The following PRKN variants were observed in gnomAD, a reference collection of about 807,000 sequenced individuals.
PRKN encodes E3 ubiquitin-protein ligase parkin.
Under a neutral mutation model 59.5 loss-of-function variants are expected in PRKN, and 56 were observed. That is an observed-to-expected ratio of 0.94 (90% CI 0.76 to 1.18). The LOEUF is 1.18. Ranked by LOEUF, PRKN falls within the 50% of genes most tolerant of loss-of-function variation. The pLI, the probability that PRKN is intolerant of heterozygous loss-of-function variation, is 0.00. For missense variants in PRKN, 657 were observed against 596.4 expected (o/e 1.10, Z -1.06); for synonymous variants, 250 against 222.1 (o/e 1.13, Z -1.12).
chr6:162,577,300 C>T (rs1029104117), intron 1 of PRKN, among the ~76,000 whole-genome samples: 1 of 152,130 alleles, frequency 6.6e-6, no homozygotes, highest in East Asian at 1.9e-4. Flanking sequence ...AGTTTGAATT[C>T]TAAAACTGGC....
intron 3 of PRKN, among the ~76,000 whole-genome samples, chr6:162,226,059 A>G (rs2128083537): frequency 7.3e-6 from 1 of 136,362 alleles, no homozygotes; most frequent in South Asian, 2.4e-4. Context: ...AGGCATCAAT[A>G]AGTTTAATAA....
chr6:161,890,756 T>C (rs1583305378), intron 6 of PRKN, among the ~76,000 whole-genome samples: 1 of 152,194 alleles, frequency 6.6e-6, no homozygotes, highest in Non-Finnish European at 1.5e-5. Flanking sequence ...AGTCAATGAA[T>C]CTACAAGACA....
rs1293791436 is a variant in PRKN, at chr6:161,368,309, GTATATATATT to G, written c.1168-8114_1168-8105del. Reference sequence around the variant, plus strand: ...TATTTATATATATTTATATATATTTGTATATATATTTATATATATTTGTATATATATTTGT... The same window carrying G: ...TATTTATATATATTTATATATATTTGTATATATATTTGTATATATATTTGT... On this transcript the variant is annotated intron_variant, in intron 10 of 11. Coordinates refer to ENST00000366898, the MANE Select transcript of PRKN (RefSeq NM_004562.3). Among the ~76,000 whole-genome samples, 8 of 117,488 alleles carry G rather than the reference GTATATATATT, an allele frequency of 6.8e-5. 1 individual carries two copies. In the East Asian group the frequency reaches 1.6e-3, roughly 24 times the overall value. 77.1% of individuals were successfully genotyped at this position (117,488 alleles called of 152,430 possible). A position where few individuals can be genotyped will look rare whatever the true frequency, so the allele number is the denominator to read the frequency against.
intron 9 of PRKN, among the ~76,000 whole-genome samples, chr6:161,416,071 C>T (rs1396772434): frequency 2.0e-5 from 3 of 152,166 alleles, no homozygotes. Context: ...GCAGATCCGC[C>T]TTAACTGGAC....
At chr6:161,799,524 C>T (rs545086240) in intron 6 of PRKN, among the ~76,000 whole-genome samples, 7 of 152,280 alleles carry the variant, frequency 4.6e-5, no homozygotes, top group African/African-American at 1.4e-4. Flanking sequence ...CTTGCGACTT[C>T]CACATAATGG....
At chr6:162,412,379 A>G (rs1209829291) in intron 2 of PRKN, among the ~76,000 whole-genome samples, 1 of 152,040 alleles carries the variant, frequency 6.6e-6, no homozygotes, top group Non-Finnish European at 1.5e-5. Context: ...TGTCACCCAC[A>G]GGAAGTGGGG....
chr6:162,035,823 T>A (rs933077701), intron 5 of PRKN, among the ~76,000 whole-genome samples: 4 of 152,154 alleles, frequency 2.6e-5, no homozygotes, highest in Non-Finnish European at 5.9e-5. Context: ...ATTCAATAAA[T>A]GATGCATAAA....
At chr6:162,174,823 G>A (rs1783458118) in intron 4 of PRKN, among the ~76,000 whole-genome samples, 1 of 152,184 alleles carries the variant, frequency 6.6e-6, no homozygotes, top group South Asian at 2.1e-4. Context: ...GAAAGTCATT[G>A]TGTCCCTCCT....
chr6:162,421,792 A>C lies in PRKN; in HGVS notation c.171+21518T>G, dbSNP rs1285553507. On this transcript the variant is annotated intron_variant, in intron 2 of 11. Transcript: ENST00000366898. Reference sequence around the variant, plus strand: ...GGAACATCATTACATAATGTTGACCAGTAACTATTAATATAATGCAATATA... The same window carrying C: ...GGAACATCATTACATAATGTTGACCCGTAACTATTAATATAATGCAATATA... Among the ~76,000 whole-genome samples the C allele has an allele frequency of 2.0e-5, 3 of 152,244 alleles. No individual in the cohort carries two copies. The East Asian group carries it at 5.8e-4, about 29-fold the overall frequency.
At chr6:161,630,562 T>A (rs1783264165) in intron 7 of PRKN, among the ~76,000 whole-genome samples, 1 of 152,242 alleles carries the variant, frequency 6.6e-6, no homozygotes, top group South Asian at 2.1e-4. Context: ...TTTTAAGATG[T>A]CTTTTAAAGC....
intron 7 of PRKN, among the ~76,000 whole-genome samples, chr6:161,569,645 C>T (rs1780796532): frequency 1.3e-5 from 2 of 152,224 alleles, no homozygotes; most frequent in African/African-American, 4.8e-5. Flanking sequence ...TTGCATGTGA[C>T]CCTGGCCAGG....
At chr6:162,167,498 A>G (rs1783040388) in intron 4 of PRKN, among the ~76,000 whole-genome samples, 1 of 152,194 alleles carries the variant, frequency 6.6e-6, no homozygotes, top group Non-Finnish European at 1.5e-5. Flanking sequence ...ATTGTAACAG[A>G]AGGAAAATGA....
At chr6:161,430,525 T>A (rs1271513919) in intron 9 of PRKN, among the ~76,000 whole-genome samples, 1 of 152,002 alleles carries the variant, frequency 6.6e-6, no homozygotes, top group Non-Finnish European at 1.5e-5. Flanking sequence ...GGATAAGAAA[T>A]ACTGAATGGG....
intron 6 of PRKN, among the ~76,000 whole-genome samples, chr6:161,802,875 G>A (rs1791148988): frequency 6.6e-6 from 1 of 152,148 alleles, no homozygotes; most frequent in Admixed American, 6.5e-5. Flanking sequence ...TGAGCCACGT[G>A]GCTTTGTAGG....
intron 7 of PRKN, among the ~76,000 whole-genome samples, chr6:161,573,801 T>C (rs1781027122): frequency 9.1e-6 from 1 of 109,802 alleles, no homozygotes; most frequent in African/African-American, 3.1e-5. Flanking sequence ...TATATAAAAC[T>C]TCATTCAACC....
Position 161,742,072 on chromosome 6 carries a change from T to G in PRKN, c.871+43700A>C, listed in dbSNP as rs572087591. 7.9e-5 allele frequency among the ~76,000 whole-genome samples: 12 copies of G among 152,166 alleles called. No homozygotes were observed. The South Asian group carries it at 1.2e-3, about 16-fold the overall frequency. The stretch of plus-strand genomic sequence containing the variant: ...GCAACCTCCGCCTCCGAGGCTCAAG[T>G]GATTCTCCTGCCTCAGCCTCCTGAG... On this transcript the variant is annotated intron_variant, in intron 7 of 11. Coordinates refer to ENST00000366898, the MANE Select transcript of PRKN (RefSeq NM_004562.3).
At chr6:162,538,477 T>C (rs931207816) in intron 1 of PRKN, among the ~76,000 whole-genome samples, 10 of 152,174 alleles carry the variant, frequency 6.6e-5, no homozygotes, top group African/African-American at 2.4e-4. Context: ...ACCATCATTA[T>C]TCATCATACT....
chr6:162,221,116 T>C (rs995029515), intron 3 of PRKN, among the ~76,000 whole-genome samples: 8 of 152,336 alleles, frequency 5.3e-5, no homozygotes, highest in East Asian at 3.9e-4. Context: ...CCTGCTGGAA[T>C]AGTTTCTTTT....
chr6:162,527,285 C>T (rs920499156), intron 1 of PRKN, among the ~76,000 whole-genome samples: 1 of 152,202 alleles, frequency 6.6e-6, no homozygotes, highest in Non-Finnish European at 1.5e-5. Context: ...CGCATAGTTA[C>T]AGTGAGTGTA....
Sources: gnomAD v4.1 joint callset for allele counts (sites outside exome capture counted in the v4.1 genomes callset) on GRCh38, gnomAD v4.1.1 for gene constraint, MANE v1.5 for transcripts, NCBI Gene and HGNC (gene_info 2026-07-23, HGNC 2026-07-21) for gene names.